The following B3GNT4 variants were observed in gnomAD, a reference collection of about 807,000 sequenced individuals.
B3GNT4 encodes the protein UDP-GlcNAc:betaGal beta-1,3-N-acetylglucosaminyltransferase 4.
B3GNT4 carries 2 observed loss-of-function variants against 2.7 expected under a neutral mutation model. That is an observed-to-expected ratio of 0.73 (90% CI 0.30 to 2.31). B3GNT4 has a LOEUF of 2.31. B3GNT4 is among the 30% of genes most tolerant of loss of function. The pLI, the probability that B3GNT4 is intolerant of heterozygous loss-of-function variation, is 0.12. For missense variants in B3GNT4, 708 were observed against 490.9 expected, an observed-to-expected ratio of 1.44 and a Z score of -4.18; for synonymous variants, 280 against 203.4, an observed-to-expected ratio of 1.38 and a Z score of -3.20.
At position 122,206,885 on chromosome 12, in the gene B3GNT4, C is replaced by T; in HGVS notation, c.634C>T (p.His212Tyr). The T allele has an allele frequency of 6.2e-7, 1 of 1,613,980 alleles. No individual in the cohort carries two copies. The highest frequency in any genetic ancestry group is 8.5e-7 in the Non-Finnish European group (1 of 1,180,026). Residue 212 changes from histidine (H) to tyrosine (Y), a missense_variant, in exon 3 of 3, where the codon CAT becomes TAT. Transcript: ENST00000324189. The stretch of plus-strand genomic sequence containing the variant: ...GGTGGTGGCTGCCTGCCCCCAGGCC[C>T]ATTTCATGCTAAAGGGAGATGACGA... ...RWVVAACPQA[H>Y]FMLKGDDDVF...
rs756751835 is a variant in B3GNT4, at chr12:122,206,490, A to G, written c.239A>G (p.His80Arg). 2 of 1,614,012 alleles carry G rather than the reference A, an allele frequency of 1.2e-6. No individual in the cohort carries two copies. Among genetic ancestry groups the G allele is most frequent in the South Asian group, 1.1e-5 (1 of 91,074 alleles). Residue 80 changes from histidine to arginine, a missense_variant, in exon 3 of 3, where the codon CAC (histidine) becomes CGC (arginine). Physicochemically the swap from His to Arg is conservative, Grantham distance 29. Coordinates refer to ENST00000324189, the MANE Select transcript of B3GNT4 (RefSeq NM_030765.4). ...CGTCACAGCCGGTGTCCACCCAACC[A>G]CACAGTGTCTAGCGCCTCTCTGTCC... ...TPRHSRCPPNHTVSSASLSLP... is the reference protein window; with the variant it reads ...TPRHSRCPPNRTVSSASLSLP...
Position 122,206,728 on chromosome 12 carries a change from A to AG in B3GNT4, c.481dup (p.Val161GlyfsTer14). 3.7e-6 allele frequency: 6 copies of AG among 1,607,776 alleles called. No homozygotes were observed. The highest frequency in any genetic ancestry group is 5.1e-6 in the Non-Finnish European group (6 of 1,176,388). ...GGCAGCTGAAGCTGGTGTTCCTCCT[A>AG]GGGGTGGCAGGATCCGCTCCCCCAG... On this transcript the variant is annotated frameshift_variant, in exon 3 of 3. Coordinates refer to ENST00000324189, the MANE Select transcript of B3GNT4 (RefSeq NM_030765.4). LOFTEE classifies it low-confidence loss of function (END_TRUNC).
At position 122,207,351 on chromosome 12, in the gene B3GNT4, G is replaced by A; in HGVS notation, c.1100G>A (p.Gly367Glu). 1 of 1,595,502 alleles carries A rather than the reference G, an allele frequency of 6.3e-7. No individual in the cohort carries two copies. The highest frequency in any genetic ancestry group is 8.6e-7 in the Non-Finnish European group (1 of 1,169,588). ...WTMWALVTDEGLKCAAGPIPQ... is the reference protein window; with the variant it reads ...WTMWALVTDEELKCAAGPIPQ... ...ATGTGGGCACTGGTGACAGATGAGG[G>A]GCTCAAGTGTGCAGCTGGCCCCATA... The change falls in exon 3 of 3, where the codon GGG becomes GAG. Residue 367 changes from glycine to glutamate, a missense_variant. Transcript: ENST00000324189.
At position 122,207,435 on chromosome 12, in the gene B3GNT4, C is replaced by CT; in HGVS notation, c.*48dup. ...TGAGAGTGGACTCAGTGTTGATTCTCTATCGTGATGCGAAATTGATGCCTG... is the reference window on the plus strand; with the variant it reads ...TGAGAGTGGACTCAGTGTTGATTCTCTTATCGTGATGCGAAATTGATGCCTG... On this transcript the variant is annotated 3_prime_UTR_variant, in exon 3 of 3. Transcript: ENST00000324189. 1 of 1,473,572 alleles carries CT rather than the reference C, an allele frequency of 6.8e-7. No homozygotes were observed. The highest frequency in any genetic ancestry group is 9.0e-7 in the Non-Finnish European group (1 of 1,110,928). The allele number at this position is 1,473,572 out of a possible 1,614,324, so 91.3% of individuals were successfully genotyped here.
At position 122,207,439 on chromosome 12, in the gene B3GNT4, CGTGATGCGA is replaced by C; in HGVS notation, c.*52_*60del. ...AGTGGACTCAGTGTTGATTCTCTAT[CGTGATGCGA>C]AATTGATGCCTGCTGCTCTACAGAA... On this transcript the variant is annotated 3_prime_UTR_variant, in exon 3 of 3. Coordinates refer to ENST00000324189, the MANE Select transcript of B3GNT4 (RefSeq NM_030765.4). The C allele has an allele frequency of 2.1e-6, 3 of 1,459,636 alleles. No individual in the cohort carries two copies. The highest frequency in any genetic ancestry group is 2.8e-5 in the South Asian group (2 of 71,176). The allele number at this position is 1,459,636 out of a possible 1,614,324, so 90.4% of individuals were successfully genotyped here. A position where few individuals can be genotyped will look rare whatever the true frequency, so the allele number is the denominator to read the frequency against.
chr12:122,203,782 T>G lies in B3GNT4; in HGVS notation c.-117T>G. The G allele has an allele frequency of 5.3e-6, 1 of 188,322 alleles. No homozygotes were observed. Among genetic ancestry groups the G allele is most frequent in the Non-Finnish European group, 1.1e-5 (1 of 92,044 alleles). The allele number at this position is 188,322 out of a possible 1,614,324, so 11.7% of individuals were successfully genotyped here. The stretch of plus-strand genomic sequence containing the variant: ...CTCCGCTGCACGAGCTCCACGCCCG[T>G]ACCCCGGCGTCACGCTCAGGTAGGT... On this transcript the variant is annotated 5_prime_UTR_variant, in exon 1 of 3. Transcript: ENST00000324189.
At chr12:122,204,801 A>G in intron 2 of B3GNT4, 117 bp downstream of exon 2, 1 of 870,978 alleles carries the variant, frequency 1.1e-6, no homozygotes, top group Non-Finnish European at 1.8e-6. Flanking sequence ...ACGCTTTGGG[A>G]GGCCAAGGCG....
rs550148151 is a variant in B3GNT4, at chr12:122,206,650, A to G, written c.399A>G (p.Arg133=). The G allele has an allele frequency of 6.2e-7, 1 of 1,613,716 alleles. No homozygotes were observed. The highest frequency in any genetic ancestry group is 1.7e-5 in the Admixed American group (1 of 60,016). The change falls in exon 3 of 3, where the codon CGA becomes CGG. Residue 133 remains arginine (R), a synonymous_variant. Coordinates refer to ENST00000324189, the MANE Select transcript of B3GNT4 (RefSeq NM_030765.4). ...AIKSQPGHVE[R]RAAIRSTWGR... ...AGTCACAGCCTGGTCACGTGGAGCG[A>G]CGTGCGGCTATCCGCAGCACGTGGG...
chr12:122,205,340 C>G (rs1593159269), intron 2 of B3GNT4: 1 of 152,466 alleles, frequency 6.6e-6, no homozygotes, highest in African/African-American at 2.4e-5. Flanking sequence ...GTTTTGTGCT[C>G]CCCTCTGAGA....
chr12:122,206,437 C>G lies in B3GNT4; in HGVS notation c.186C>G (p.His62Gln). The G allele has an allele frequency of 6.2e-7, 1 of 1,614,088 alleles. No homozygotes were observed. Among genetic ancestry groups the G allele is most frequent in the Non-Finnish European group, 8.5e-7 (1 of 1,180,004 alleles). Residue 62 changes from histidine (H) to glutamine (Q), a missense_variant, in exon 3 of 3, where the codon CAC becomes CAG. His to Gln is a conservative substitution (Grantham distance 24). Transcript: ENST00000324189. Reference protein sequence around the residue: ...AAKPAGDPTAHQPFWAPPTPR... With the variant: ...AAKPAGDPTAQQPFWAPPTPR... ...AGCCCGCAGGAGACCCCACGGCCCA[C>G]CAGCCTTTCTGGGCTCCCCCAACAC...
Position 122,207,753 on chromosome 12 carries a change from G to C in B3GNT4, c.*365G>C. ...GATACAATAGAGAAACGGAAAGAAAGGAAGGAACAAGAGGCCTGTGTTAAG... is the reference window on the plus strand; with the variant it reads ...GATACAATAGAGAAACGGAAAGAAACGAAGGAACAAGAGGCCTGTGTTAAG... On this transcript the variant is annotated 3_prime_UTR_variant, in exon 3 of 3. Transcript: ENST00000324189. 1 of 484,422 alleles carries C rather than the reference G, an allele frequency of 2.1e-6. No individual in the cohort carries two copies. Among genetic ancestry groups the C allele is most frequent in the Non-Finnish European group, 4.0e-6 (1 of 247,550 alleles). 30.0% of individuals were successfully genotyped at this position (484,422 alleles called of 1,614,324 possible).
rs894160258 is a variant in B3GNT4 at position 122,208,632 on chromosome 12, A to T, written c.*1244A>T. On this transcript the variant is annotated 3_prime_UTR_variant, in exon 3 of 3. Coordinates refer to ENST00000324189, the MANE Select transcript of B3GNT4 (RefSeq NM_030765.4). ...CAGCCGTGCAGGGCGCGGAAGGCTC[A>T]TGTGGACGTTGGCCTGGGGGTGCTG... 2.0e-5 allele frequency: 31 copies of T among 1,577,716 alleles called. No individual in the cohort carries two copies. Among genetic ancestry groups the T allele is most frequent in the Non-Finnish European group, 2.7e-5 (31 of 1,163,462 alleles).
At chr12:122,206,228 T>C in intron 2 of B3GNT4, 90 bp from the exon 3 acceptor site, 2 of 1,065,440 alleles carry the variant, frequency 1.9e-6, no homozygotes, top group Non-Finnish European at 2.7e-6. Flanking sequence ...CAGCAGGGAC[T>C]TAGCGGCTGG....
rs537390246 is a variant in B3GNT4 at position 122,208,012 on chromosome 12, G to A, written c.*624G>A. ...GAACAAGTACTAAATCATTTTTGAC[G>A]ACGTAAATAAGACTGAAAACAGGTT... On this transcript the variant is annotated 3_prime_UTR_variant, in exon 3 of 3. Coordinates refer to ENST00000324189, the MANE Select transcript of B3GNT4 (RefSeq NM_030765.4). 64 of 490,852 alleles carry A rather than the reference G, an allele frequency of 1.3e-4. No individual in the cohort carries two copies. Among genetic ancestry groups the A allele is most frequent in the South Asian group, 8.2e-4 (53 of 64,786 alleles). The allele number at this position is 490,852 out of a possible 1,614,324, so 30.4% of individuals were successfully genotyped here. A position where few individuals can be genotyped will look rare whatever the true frequency, so the allele number is the denominator to read the frequency against.
In B3GNT4 at chr12:122,207,055, G is replaced by A. The variant is rs745673381; in HGVS notation, c.804G>A (p.Arg268=). The change falls in exon 3 of 3, where the codon AGG becomes AGA. Residue 268 remains arginine (R), a synonymous_variant. Transcript: ENST00000324189. ...VKYFIPPSMY[R]ATHYPPYAGG... ...ACTTCATCCCACCCTCAATGTACAG[G>A]GCCACCCACTACCCACCCTATGCTG... The A allele has an allele frequency of 3.7e-6, 6 of 1,613,858 alleles. No homozygotes were observed. Among genetic ancestry groups the A allele is most frequent in the Non-Finnish European group, 4.2e-6 (5 of 1,179,912 alleles).
chr12:122,207,824 G>A lies in B3GNT4; in HGVS notation c.*436G>A, dbSNP rs1269914041. ...GTTGAGAGCACCAGGTAAACACTCT[G>A]CACCCCTTCTCTTAGTAGTAATAGG... On this transcript the variant is annotated 3_prime_UTR_variant, in exon 3 of 3. Coordinates refer to ENST00000324189, the MANE Select transcript of B3GNT4 (RefSeq NM_030765.4). 8.6e-6 allele frequency: 4 copies of A among 463,188 alleles called. No homozygotes were observed. Among genetic ancestry groups the A allele is most frequent in the African/African-American group, 2.0e-5 (1 of 50,386 alleles). 28.7% of individuals were successfully genotyped at this position (463,188 alleles called of 1,614,324 possible). A position where few individuals can be genotyped will look rare whatever the true frequency, so the allele number is the denominator to read the frequency against.
At chr12:122,204,304 C>T (rs962690492) in intron 1 of B3GNT4, among the ~76,000 whole-genome samples, 3 of 151,892 alleles carry the variant, frequency 2.0e-5, no homozygotes, top group African/African-American at 4.8e-5. Context: ...GTCGTGCGCT[C>T]CGCGGCGGGT....
At position 122,206,519 on chromosome 12, in the gene B3GNT4, C is replaced by T. The variant is rs760803526; in HGVS notation, c.268C>T (p.Pro90Ser). Residue 90 changes from proline to serine, a missense_variant, in exon 3 of 3, where the codon CCT becomes TCT. Transcript: ENST00000324189. ...HTVSSASLSL[P>S]SRHRLFLTYR... ...AGTGTCTAGCGCCTCTCTGTCCCTG[C>T]CTAGCCGTCACCGTCTCTTCTTGAC... The T allele has an allele frequency of 2.5e-6, 4 of 1,614,210 alleles. No individual in the cohort carries two copies. The highest frequency in any genetic ancestry group is 3.4e-6 in the Non-Finnish European group (4 of 1,180,032).
rs374121145 is a variant in B3GNT4, at chr12:122,208,799, C to T, written c.*1411C>T. The stretch of plus-strand genomic sequence containing the variant: ...AACAGCATTTTTCTTCAGCTGTCAG[C>T]GGCCAACATCACAATTATTAAATGC... On this transcript the variant is annotated 3_prime_UTR_variant, in exon 3 of 3. Transcript: ENST00000324189. 1.2e-4 allele frequency: 77 copies of T among 647,764 alleles called. 1 individual carries two copies. The highest frequency in any genetic ancestry group is 8.4e-4 in the South Asian group (56 of 66,310). 40.1% of individuals were successfully genotyped at this position (647,764 alleles called of 1,614,324 possible). A position where few individuals can be genotyped will look rare whatever the true frequency, so the allele number is the denominator to read the frequency against.
Sources: gnomAD v4.1 joint callset for allele counts (sites outside exome capture counted in the v4.1 genomes callset) on GRCh38, gnomAD v4.1.1 for gene constraint, MANE v1.5 for transcripts, NCBI Gene and HGNC (gene_info 2026-07-23, HGNC 2026-07-21) for gene names.